Variants in LARP4 observed in about 807,000 individuals in gnomAD.
The protein encoded by LARP4 is la-related protein 4.
LARP4 carries 29 observed loss-of-function variants against 92.9 expected under a neutral mutation model. The observed-to-expected ratio is 0.31, with a 90% CI of 0.23 to 0.43. The LOEUF is 0.43. Among genes scored for constraint, LARP4 ranks in the 20% least tolerant of loss-of-function variants. The pLI is 1.00. For missense variants in LARP4, 732 were observed against 860.0 expected, an observed-to-expected ratio of 0.85 and a Z score of 1.86; for synonymous variants, 279 against 284.1, an observed-to-expected ratio of 0.98 and a Z score of 0.18.
At chr12:50,464,700 CT>C (rs1346535104) in intron 12 of LARP4, among the ~76,000 whole-genome samples, 2 of 147,428 alleles carry the variant, frequency 1.4e-5, no homozygotes, top group African/African-American at 5.0e-5. Context: ...ACCAACAATT[CT>C]TTTTTTGAGA....
At chr12:50,453,976 A>G (rs2138307060) in intron 9 of LARP4, among the ~76,000 whole-genome samples, 1 of 152,294 alleles carries the variant, frequency 6.6e-6, no homozygotes, top group Admixed American at 6.5e-5. Context: ...TCCATACCAA[A>G]TAAATGCATA....
chr12:50,411,773 C>A (rs1053334523), intron 1 of LARP4, among the ~76,000 whole-genome samples: 2 of 152,092 alleles, frequency 1.3e-5, no homozygotes, highest in Non-Finnish European at 2.9e-5. Flanking sequence ...CTCTGCCCCC[C>A]GAGTTCAAGT....
intron 1 of LARP4, among the ~76,000 whole-genome samples, chr12:50,421,770 T>A (rs1445386561): frequency 6.6e-6 from 1 of 152,204 alleles, no homozygotes; most frequent in Non-Finnish European, 1.5e-5. Flanking sequence ...AACCACATGC[T>A]TAGGTACTTC....
In LARP4 at chr12:50,473,983, G is replaced by A. The variant is rs1957259506; in HGVS notation, c.1668-16G>A. 1 of 1,604,746 alleles carries A rather than the reference G, an allele frequency of 6.2e-7. No homozygotes were observed. Among genetic ancestry groups the A allele is most frequent in the Non-Finnish European group, 8.5e-7 (1 of 1,177,184 alleles). On this transcript the variant is annotated splice_polypyrimidine_tract_variant and intron_variant, in intron 14 of 15. Coordinates refer to ENST00000398473, the MANE Select transcript of LARP4 (RefSeq NM_052879.5). ...TATGCTATTCTGAGTCTAATTGCAA[G>A]CTCTTTTTTCCTTAGCACAACTCAG...
At chr12:50,428,316 C>G (rs990518986) in intron 2 of LARP4, among the ~76,000 whole-genome samples, 3 of 152,158 alleles carry the variant, frequency 2.0e-5, no homozygotes, top group African/African-American at 4.8e-5. Flanking sequence ...GTGTGAACCA[C>G]CATGCCTGGC....
At chr12:50,426,984 C>T (rs976440624) in intron 1 of LARP4, among the ~76,000 whole-genome samples, 52 of 151,926 alleles carry the variant, frequency 3.4e-4, no homozygotes, top group Non-Finnish European at 8.8e-5. Flanking sequence ...GTGATCCGCC[C>T]GCCTTGGCCT....
chr12:50,454,591 G>T (rs1181060053), intron 10 of LARP4, 174 bp downstream of exon 10: 1 of 458,142 alleles, frequency 2.2e-6, no homozygotes, highest in Non-Finnish European at 3.8e-6. Context: ...AAAACACTTT[G>T]ACCTTTGAGT....
intron 1 of LARP4, among the ~76,000 whole-genome samples, chr12:50,419,929 C>G (rs1048395507): frequency 1.3e-4 from 20 of 152,102 alleles, no homozygotes; most frequent in African/African-American, 3.6e-4. Flanking sequence ...TAAACATAAT[C>G]TTTAATAAAA....
At chr12:50,438,357 CATG>C (rs1156512482) in intron 6 of LARP4, among the ~76,000 whole-genome samples, 2 of 151,964 alleles carry the variant, frequency 1.3e-5, no homozygotes, top group African/African-American at 4.8e-5. Flanking sequence ...ATTAGCCAGG[CATG>C]GTGGTGGGCG....
Position 50,479,456 on chromosome 12 carries a change from T to G in LARP4, c.*3592T>G, listed in dbSNP as rs1179459061. ...TTAGGCTTTTGGGCATATGCTAGTC[T>G]GAGCTTCCGAAAAGATACATATATG... On this transcript the variant is annotated 3_prime_UTR_variant, in exon 16 of 16. Coordinates refer to ENST00000398473, the MANE Select transcript of LARP4 (RefSeq NM_052879.5). 1 of 152,180 alleles carries G rather than the reference T, an allele frequency of 6.6e-6. No individual in the cohort carries two copies. The highest frequency in any genetic ancestry group is 1.5e-5 in the Non-Finnish European group (1 of 68,030). 9.4% of individuals were successfully genotyped at this position (152,180 alleles called of 1,614,324 possible). A position where few individuals can be genotyped will look rare whatever the true frequency, so the allele number is the denominator to read the frequency against.
chr12:50,421,220 A>G lies in LARP4; in HGVS notation c.19-6542A>G, dbSNP rs1487842747. On this transcript the variant is annotated intron_variant, in intron 1 of 15. Transcript: ENST00000398473. ...CGCCTTGGCCTCTCAAAGTGCTTTG[A>G]TTACAGGCGTGAGCCACCGTACCCA... The G allele has an allele frequency of 1.1e-5, 11 of 958,390 alleles. No individual in the cohort carries two copies. In the East Asian group the frequency reaches 1.3e-3, roughly 111 times the overall value. 59.4% of individuals were successfully genotyped at this position (958,390 alleles called of 1,614,324 possible).
intron 10 of LARP4, among the ~76,000 whole-genome samples, chr12:50,459,920 C>T (rs538061222): frequency 2.7e-4 from 41 of 151,194 alleles, no homozygotes; most frequent in Non-Finnish European, 2.8e-4. Context: ...GGGCGGTTCA[C>T]GAGGTCAAGA....
At chr12:50,456,924 T>A (rs2138449205) in intron 10 of LARP4, among the ~76,000 whole-genome samples, 1 of 152,004 alleles carries the variant, frequency 6.6e-6, no homozygotes, top group Non-Finnish European at 1.5e-5. Context: ...ATATAAATTT[T>A]TTTTTTTGAG....
At chr12:50,430,841 T>C (rs1311488058) in intron 4 of LARP4, among the ~76,000 whole-genome samples, 1 of 151,970 alleles carries the variant, frequency 6.6e-6, no homozygotes, top group Non-Finnish European at 1.5e-5. Flanking sequence ...TTTGTATTTT[T>C]AGTAGAGACA....
In LARP4 at chr12:50,459,822, CAAAAAAAAA is replaced by C. The variant is rs59855735; in HGVS notation, c.1122-1297_1122-1289del. On this transcript the variant is annotated intron_variant, in intron 10 of 15. Transcript: ENST00000398473. ...CTGGCGACAGAGCAAGACTCCGTAT[CAAAAAAAAA>C]AAAAAAAAAAAAAAAGGGTGTTATA... Among the ~76,000 whole-genome samples the C allele has an allele frequency of 4.0e-5, 4 of 99,854 alleles. No homozygotes were observed. In the South Asian group the frequency reaches 1.4e-3, roughly 35 times the overall value. 65.5% of individuals were successfully genotyped at this position (99,854 alleles called of 152,430 possible).
chr12:50,402,832 TA>T, intron 1 of LARP4: 1 of 454,552 alleles, frequency 2.2e-6, no homozygotes, highest in Non-Finnish European at 4.4e-6. Context: ...AATTCTATCG[TA>T]TCTCTCGCCA....
At position 50,474,103 on chromosome 12, in the gene LARP4, C is replaced by T. The variant is rs370890092; in HGVS notation, c.1772C>T (p.Ser591Leu). 7 of 1,613,060 alleles carry T rather than the reference C, an allele frequency of 4.3e-6. No homozygotes were observed. Among genetic ancestry groups the T allele is most frequent in the South Asian group, 3.3e-5 (3 of 91,046 alleles). Reference sequence around the variant, plus strand: ...TCTCCTCCAAGTACTACAAAGCCATCGAGGGCAAGTACTGCTTCACCATGT... The same window carrying T: ...TCTCCTCCAAGTACTACAAAGCCATTGAGGGCAAGTACTGCTTCACCATGT... Reference protein sequence around the residue: ...PVSPPSTTKPSRASTASPCNN... With the variant: ...PVSPPSTTKPLRASTASPCNN... The change falls in exon 15 of 16, where the codon TCG becomes TTG. Residue 591 changes from serine (S) to leucine (L), a missense_variant. Ser to Leu is a moderately radical substitution (Grantham distance 145). Around this residue, in one of 7 missense-constraint regions of LARP4, gnomAD observed 97 missense variants for 85.9 expected, o/e 1.13. Transcript: ENST00000398473.
Position 50,478,211 on chromosome 12 carries a change from G to A in LARP4, c.*2347G>A, listed in dbSNP as rs959081175. On this transcript the variant is annotated 3_prime_UTR_variant, in exon 16 of 16. Transcript: ENST00000398473. ...GTTATTTAAAGTAGAAATTTAATTT[G>A]TAGATATAACCTTTAAAAATTTTCT... 1.3e-5 allele frequency: 2 copies of A among 152,110 alleles called. No homozygotes were observed. Among genetic ancestry groups the A allele is most frequent in the Admixed American group, 6.6e-5 (1 of 15,258 alleles). The allele number at this position is 152,110 out of a possible 1,614,324, so 9.4% of individuals were successfully genotyped here.
intron 1 of LARP4, among the ~76,000 whole-genome samples, chr12:50,415,423 C>T (rs1389687501): frequency 1.3e-5 from 2 of 151,930 alleles, no homozygotes; most frequent in African/African-American, 2.4e-5. Context: ...TGATTTTGAT[C>T]AGTTATTAAA....
Sources: allele counts gnomAD v4.1 joint callset (sites outside exome capture counted in the v4.1 genomes callset), GRCh38; gene constraint gnomAD v4.1.1; regional missense constraint gnomAD v4.1.1; transcripts MANE v1.5; gene names NCBI Gene and HGNC (gene_info 2026-07-23, HGNC 2026-07-21).